ARID2: variants seen among roughly 807,000 people sequenced by gnomAD.
The protein encoded by ARID2 is AT-rich interaction domain 2.
In ARID2, 32 loss-of-function variants were observed where a neutral mutation model predicts 184.6. The observed-to-expected ratio is 0.17, with a 90% CI of 0.13 to 0.23. The LOEUF (loss-of-function observed/expected upper bound fraction) is 0.23, where lower values mean the gene tolerates loss of function less well. ARID2 is among the 10% of genes least tolerant of loss of function. The pLI is 1.00. For synonymous variants in ARID2, 836 were observed against 772.6 expected (o/e 1.08, Z -1.36); for missense variants, 1,696 against 2,197.6 (o/e 0.77, Z 4.56).
intron 5 of ARID2, among the ~76,000 whole-genome samples, chr12:45,819,709 T>G (rs1942863083): frequency 6.6e-6 from 1 of 151,852 alleles, no homozygotes. Context: ...TTCCCAGGGA[T>G]GTTATTTGCT....
At chr12:45,758,918 T>C (rs1179646810) in intron 3 of ARID2, among the ~76,000 whole-genome samples, 1 of 152,148 alleles carries the variant, frequency 6.6e-6, no homozygotes, top group African/African-American at 2.4e-5. Flanking sequence ...TTAATAAAAA[T>C]TGATCATGTA....
intron 3 of ARID2, among the ~76,000 whole-genome samples, chr12:45,794,755 G>T (rs1942358082): frequency 6.6e-6 from 1 of 152,170 alleles, no homozygotes; most frequent in African/African-American, 2.4e-5. Flanking sequence ...CATTTGGCCA[G>T]AGCATTCAGT....
At chr12:45,805,735 T>A (rs1942587275) in intron 3 of ARID2, among the ~76,000 whole-genome samples, 1 of 152,140 alleles carries the variant, frequency 6.6e-6, no homozygotes, top group South Asian at 2.1e-4. Context: ...GTTTAACACA[T>A]CTATCACCTT....
chr12:45,830,053 A>G (rs1943083979), intron 6 of ARID2, among the ~76,000 whole-genome samples: 2 of 149,364 alleles, frequency 1.3e-5, no homozygotes, highest in Non-Finnish European at 3.0e-5. Context: ...ATCTTTTAAT[A>G]AATTAATTTG....
At chr12:45,812,503 G>A (rs1321668757) in intron 4 of ARID2, among the ~76,000 whole-genome samples, 1 of 152,122 alleles carries the variant, frequency 6.6e-6, no homozygotes, top group Non-Finnish European at 1.5e-5. Context: ...ATTAGAAGAG[G>A]CTTCATCTGA....
rs11333868 is a variant in ARID2 at position 45,738,779 on chromosome 12, CTTTTTTTTTTTTTT to C, written c.284+7486_284+7499del. On this transcript the variant is annotated intron_variant, in intron 3 of 20. Coordinates refer to ENST00000334344, the MANE Select transcript of ARID2 (RefSeq NM_152641.4). Reference sequence around the variant, plus strand: ...TTTTCTTCCTGGGGCATATGGGCTACTTTTTTTTTTTTTTTTTTTTTTTTTTTTTTTTTTAAGGC... The same window carrying C: ...TTTTCTTCCTGGGGCATATGGGCTACTTTTTTTTTTTTTTTTTTTTAAGGC... 1.4e-3 allele frequency among the ~76,000 whole-genome samples: 89 copies of C among 62,308 alleles called. 1 individual carries two copies. Among genetic ancestry groups the C allele is most frequent in the African/African-American group, 7.3e-3 (85 of 11,718 alleles). 40.9% of individuals were successfully genotyped at this position (62,308 alleles called of 152,430 possible).
At chr12:45,810,631 A>G (rs973040086) in intron 3 of ARID2, among the ~76,000 whole-genome samples, 6 of 152,192 alleles carry the variant, frequency 3.9e-5, no homozygotes, top group African/African-American at 1.2e-4. Flanking sequence ...ATGTATTGGT[A>G]TATTTAGACC....
chr12:45,816,846 T>C (rs1243319988), intron 4 of ARID2, among the ~76,000 whole-genome samples: 2 of 152,184 alleles, frequency 1.3e-5, no homozygotes, highest in Non-Finnish European at 2.9e-5. Context: ...AATAAAATGA[T>C]AGGAAAGTAA....
intron 16 of ARID2, among the ~76,000 whole-genome samples, chr12:45,867,419 A>G (rs900295863): frequency 6.6e-6 from 1 of 151,508 alleles, no homozygotes; most frequent in East Asian, 2.0e-4. Flanking sequence ...CACCCACCTA[A>G]TTTTAACTTT....
chr12:45,731,168 A>G (rs1565574572), intron 2 of ARID2, 49 bp from the exon 3 acceptor site: 4 of 1,354,596 alleles, frequency 3.0e-6, no homozygotes, highest in Non-Finnish European at 4.2e-6. Flanking sequence ...TTAGGTTAAG[A>G]TTTTCTTAGA....
At chr12:45,833,492 A>G (rs970758176) in intron 6 of ARID2, among the ~76,000 whole-genome samples, 2 of 151,530 alleles carry the variant, frequency 1.3e-5, no homozygotes, top group African/African-American at 4.8e-5. Context: ...ATGGGTCCTC[A>G]TTTCTTTGTA....
At chr12:45,778,349 T>G (rs1942028261) in intron 3 of ARID2, among the ~76,000 whole-genome samples, 1 of 152,164 alleles carries the variant, frequency 6.6e-6, no homozygotes, top group African/African-American at 2.4e-5. Context: ...CACTTCCAAC[T>G]TCAGGGTATC....
At chr12:45,891,001 C>A (rs181715680) in intron 16 of ARID2, among the ~76,000 whole-genome samples, 850 of 152,102 alleles carry the variant, frequency 5.6e-3, no homozygotes, top group Non-Finnish European at 8.6e-3. Flanking sequence ...CCCGTCTCTA[C>A]TAAAAATACA....
In ARID2 at chr12:45,756,242, C is replaced by A. The variant is rs181767073; in HGVS notation, c.284+24928C>A. ...TTCTAACTTTGGATATTCCTGGACACACATTTGTGTGGCTAGTGCATGTGG... is the reference window on the plus strand; with the variant it reads ...TTCTAACTTTGGATATTCCTGGACAAACATTTGTGTGGCTAGTGCATGTGG... On this transcript the variant is annotated intron_variant, in intron 3 of 20. Transcript: ENST00000334344. 6.8e-4 allele frequency among the ~76,000 whole-genome samples: 104 copies of A among 152,256 alleles called. 1 individual carries two copies. The East Asian group carries it at 0.015, about 22-fold the overall frequency.
intron 20 of ARID2, among the ~76,000 whole-genome samples, chr12:45,895,683 T>A (rs1489700610): frequency 6.6e-6 from 1 of 152,286 alleles, no homozygotes; most frequent in East Asian, 1.9e-4. Flanking sequence ...TATCGGCTCA[T>A]GCCACTATGC....
Position 45,735,111 on chromosome 12 carries a change from A to AT in ARID2, c.284+3807dup, listed in dbSNP as rs534154198. ...TTCAATCGCATTGTGAATTTATTCT[A>AT]TTTTTTTTTTCTTGGTGGGTAAAGC... On this transcript the variant is annotated intron_variant, in intron 3 of 20. Coordinates refer to ENST00000334344, the MANE Select transcript of ARID2 (RefSeq NM_152641.4). Among the ~76,000 whole-genome samples, 78 of 147,332 alleles carry AT rather than the reference A, an allele frequency of 5.3e-4. No individual in the cohort carries two copies. In the South Asian group the frequency reaches 9.3e-3, roughly 18 times the overall value.
chr12:45,814,486 C>G (rs1246371317), intron 4 of ARID2, among the ~76,000 whole-genome samples: 1 of 152,052 alleles, frequency 6.6e-6, no homozygotes, highest in Non-Finnish European at 1.5e-5. Flanking sequence ...CCTGTTTCTA[C>G]TAAAAATACA....
At position 45,797,309 on chromosome 12, in the gene ARID2, A is replaced by G. The variant is rs145353253; in HGVS notation, c.285-14109A>G. Among the ~76,000 whole-genome samples the G allele has an allele frequency of 4.3e-4, 65 of 152,242 alleles. No homozygotes were observed. In the East Asian group the frequency reaches 0.012, roughly 29 times the overall value. ...GAGTGCAGTGGCGTGATCTCGGCTC[A>G]CTGCAACCTCTGCCTCCTGGATTCA... On this transcript the variant is annotated intron_variant, in intron 3 of 20. Coordinates refer to ENST00000334344, the MANE Select transcript of ARID2 (RefSeq NM_152641.4).
chr12:45,730,234 C>T, intron 2 of ARID2, 97 bp downstream of exon 2: 1 of 1,219,848 alleles, frequency 8.2e-7, no homozygotes, highest in Non-Finnish European at 1.1e-6. Flanking sequence ...GGGGGGTGGC[C>T]CGCGGGGGCA....
Sources: allele counts gnomAD v4.1 joint callset (sites outside exome capture counted in the v4.1 genomes callset), GRCh38; gene constraint gnomAD v4.1.1; transcripts MANE v1.5; gene names NCBI Gene and HGNC (gene_info 2026-07-23, HGNC 2026-07-21).